SHANK2: variants seen among roughly 807,000 people sequenced by gnomAD.
The protein encoded by SHANK2 is SH3 and multiple ankyrin repeat domains 2, also known as SH3 and multiple ankyrin repeat domains protein 2.
In SHANK2, 43 loss-of-function variants were observed where a neutral mutation model predicts 133.7. The observed-to-expected ratio is 0.32, with a 90% confidence interval of 0.25 to 0.41. The LOEUF (loss-of-function observed/expected upper bound fraction) is 0.41. Among genes scored for constraint, SHANK2 ranks in the 10% least tolerant of loss-of-function variants. The pLI is 1.00. For synonymous variants in SHANK2, 1,017 were observed against 952.8 expected, an observed-to-expected ratio of 1.07 and a Z score of -1.24; for missense variants, 1,994 against 2,235.8, an observed-to-expected ratio of 0.89 and a Z score of 2.18.
chr11:70,562,934 C>T (rs782029979), intron 17 of SHANK2, among the ~76,000 whole-genome samples: 4 of 152,140 alleles, frequency 2.6e-5, no homozygotes, highest in African/African-American at 7.2e-5. Flanking sequence ...TGCAGTGGCA[C>T]GATCTCGGCT....
intron 22 of SHANK2, among the ~76,000 whole-genome samples, chr11:70,490,985 G>A (rs2058879405): frequency 6.6e-6 from 1 of 152,218 alleles, no homozygotes; most frequent in Non-Finnish European, 1.5e-5. Flanking sequence ...GTCTGCAGCA[G>A]TGAGCTGTCC....
intron 10 of SHANK2, among the ~76,000 whole-genome samples, chr11:70,920,014 A>G (rs1306156710): frequency 1.3e-5 from 2 of 152,190 alleles, no homozygotes; most frequent in Non-Finnish European, 2.9e-5. Context: ...TCTCAAGTTC[A>G]AGTTTACCAG....
At chr11:71,201,431 T>C (rs1555117117) in intron 2 of SHANK2, among the ~76,000 whole-genome samples, 1 of 152,198 alleles carries the variant, frequency 6.6e-6, no homozygotes, top group Non-Finnish European at 1.5e-5. Flanking sequence ...CAAAGGGTGA[T>C]CACCACGCTG....
chr11:70,580,766 A>AGGCCACG (rs1428386729), intron 17 of SHANK2, among the ~76,000 whole-genome samples: 1 of 152,256 alleles, frequency 6.6e-6, no homozygotes. Flanking sequence ...CGAGGCCAGC[A>AGGCCACG]GGCCACGGGC....
At chr11:70,562,473 T>C (rs541943293) in intron 17 of SHANK2, among the ~76,000 whole-genome samples, 1 of 152,340 alleles carries the variant, frequency 6.6e-6, no homozygotes, top group African/African-American at 2.4e-5. Flanking sequence ...ATGTTTAGTG[T>C]TTTTAATGTC....
intron 2 of SHANK2, among the ~76,000 whole-genome samples, chr11:71,163,884 T>C (rs1221504392): frequency 6.6e-6 from 1 of 152,194 alleles, no homozygotes; most frequent in African/African-American, 2.4e-5. Context: ...TGCTTTTTAT[T>C]GTGCACTTCT....
intron 13 of SHANK2, among the ~76,000 whole-genome samples, chr11:70,799,062 C>T (rs571279069): frequency 1.2e-4 from 18 of 152,268 alleles, no homozygotes; most frequent in Admixed American, 7.8e-4. Flanking sequence ...TCCACCTGCC[C>T]GGCTCTGTCT....
At chr11:70,489,829 C>T (rs1422280275) in intron 23 of SHANK2, 2 of 128,014 alleles carry the variant, frequency 1.6e-5, no homozygotes, top group African/African-American at 2.1e-4. Context: ...TATTTCATTT[C>T]GAGACCTGAC....
chr11:70,954,051 C>G (rs1950882181), intron 10 of SHANK2, among the ~76,000 whole-genome samples: 2 of 152,208 alleles, frequency 1.3e-5, no homozygotes. Context: ...GCAATGCAGA[C>G]AGCAGCACAA....
intron 10 of SHANK2, chr11:70,911,128 T>C (rs782468243): frequency 4.4e-6 from 2 of 456,596 alleles, no homozygotes; most frequent in African/African-American, 2.0e-5. Context: ...TTTCCCCTAA[T>C]TTTTTGTACT....
chr11:70,697,902 C>A (rs1346758451), intron 15 of SHANK2, among the ~76,000 whole-genome samples: 2 of 152,180 alleles, frequency 1.3e-5, no homozygotes, highest in Non-Finnish European at 2.9e-5. Context: ...CTCTTTTCTA[C>A]CTCACACACT....
chr11:70,875,365 CA>C (rs200696025), intron 11 of SHANK2, among the ~76,000 whole-genome samples: 11 of 148,120 alleles, frequency 7.4e-5, no homozygotes, highest in Non-Finnish European at 9.0e-5. Flanking sequence ...ACTAAAAATA[CA>C]AAAAAAAAAT....
intron 20 of SHANK2, among the ~76,000 whole-genome samples, chr11:70,501,716 G>C (rs551907872): frequency 6.6e-6 from 1 of 152,356 alleles, no homozygotes; most frequent in East Asian, 1.9e-4. Flanking sequence ...AAGGTGCCGG[G>C]CGTTCCCTAA....
intron 6 of SHANK2, among the ~76,000 whole-genome samples, chr11:71,099,391 A>AAGGG (rs1951681143): frequency 6.6e-6 from 1 of 152,216 alleles, no homozygotes; most frequent in Admixed American, 6.5e-5. Context: ...AGATGCTGAT[A>AAGGG]AGGGGGGAAG....
intron 17 of SHANK2, among the ~76,000 whole-genome samples, chr11:70,592,536 C>T (rs1306836895): frequency 3.9e-5 from 6 of 152,042 alleles, no homozygotes; most frequent in Middle Eastern, 6.3e-3. Context: ...TTCTGAAGGC[C>T]GTGCGGCATC....
chr11:70,816,307 G>A (rs1027771915), intron 12 of SHANK2, among the ~76,000 whole-genome samples: 1 of 152,262 alleles, frequency 6.6e-6, no homozygotes, highest in African/African-American at 2.4e-5. Flanking sequence ...CAGCTGGCGG[G>A]TGGGTAGAGC....
intron 3 of SHANK2, among the ~76,000 whole-genome samples, chr11:71,133,241 G>A (rs1484019666): frequency 1.5e-5 from 2 of 134,264 alleles, no homozygotes; most frequent in Non-Finnish European, 3.4e-5. Context: ...CAGATGAATG[G>A]ATGGATGGAT....
intron 6 of SHANK2, among the ~76,000 whole-genome samples, chr11:71,104,777 A>G (rs1951777505): frequency 6.6e-6 from 1 of 152,164 alleles, no homozygotes; most frequent in Admixed American, 6.5e-5. Flanking sequence ...CTGATTTGGA[A>G]AAAACAAATG....
intron 2 of SHANK2, among the ~76,000 whole-genome samples, chr11:71,178,608 T>G (rs1953490071): frequency 6.6e-6 from 1 of 152,170 alleles, no homozygotes; most frequent in Admixed American, 6.5e-5. Context: ...TTACAACAAT[T>G]TAAAAAGTCT....
Sources: allele counts gnomAD v4.1 joint callset (sites outside exome capture counted in the v4.1 genomes callset), GRCh38; gene constraint gnomAD v4.1.1; transcripts MANE v1.5; gene names NCBI Gene and HGNC (gene_info 2026-07-23, HGNC 2026-07-21).